ZDHHC18: variants seen among roughly 807,000 people sequenced by gnomAD.
ZDHHC18 encodes zDHHC palmitoyltransferase 18.
A neutral mutation model predicts 37.5 loss-of-function variants in ZDHHC18; 23 were observed. The observed-to-expected ratio is 0.61, with a 90% CI of 0.44 to 0.87. The LOEUF (loss-of-function observed/expected upper bound fraction) is 0.87, where lower values mean the gene tolerates loss of function less well. Among genes scored for constraint, ZDHHC18 ranks in the 40% least tolerant of loss-of-function variants. ZDHHC18 has a pLI of 0.00. For synonymous variants in ZDHHC18, 185 were observed against 218.7 expected, an observed-to-expected ratio of 0.85 and a Z score of 1.36; for missense variants, 406 against 525.6, an observed-to-expected ratio of 0.77 and a Z score of 2.22.
chr1:26,834,452 A>G (rs1350741607), intron 2 of ZDHHC18, among the ~76,000 whole-genome samples: 1 of 152,204 alleles, frequency 6.6e-6, no homozygotes, highest in Non-Finnish European at 1.5e-5. Context: ...CTGAGATGGC[A>G]GCAGGGACAC....
At chr1:26,830,535 C>G (rs529366110) in intron 1 of ZDHHC18, among the ~76,000 whole-genome samples, 2 of 151,648 alleles carry the variant, frequency 1.3e-5, no homozygotes, top group African/African-American at 4.9e-5. Flanking sequence ...ACTATCTGTA[C>G]ATAGCACAGT....
intron 1 of ZDHHC18, 53 bp downstream of exon 1, chr1:26,827,192 CT>C: frequency 7.8e-7 from 1 of 1,280,422 alleles, no homozygotes; most frequent in African/African-American, 1.5e-5. Context: ...CGCACCCCAC[CT>C]TCCCAATCCC....
chr1:26,853,001 G>T, intron 7 of ZDHHC18, 136 bp downstream of exon 7: 1 of 669,102 alleles, frequency 1.5e-6, no homozygotes, highest in Middle Eastern at 3.5e-4. Context: ...CATTTGTCAT[G>T]TGACGGAATT....
At position 26,850,758 on chromosome 1, in the gene ZDHHC18, G is replaced by A; in HGVS notation, c.833+152G>A. On this transcript the variant is annotated intron_variant, in intron 5 of 7. Coordinates refer to ENST00000374142, the MANE Select transcript of ZDHHC18 (RefSeq NM_032283.3). The surrounding 1 kb of genome is among the most constrained non-coding windows in gnomAD (Gnocchi z 6.1). ...ATGCCAGCTCTTCTGTTCACACCCA[G>A]GCAAGAGCTGATCCTAAATGGGGCA... 1.0e-6 allele frequency: 1 copy of A among 959,138 alleles called. No individual in the cohort carries two copies. Among genetic ancestry groups the A allele is most frequent in the Non-Finnish European group, 1.6e-6 (1 of 641,834 alleles). 59.4% of individuals were successfully genotyped at this position (959,138 alleles called of 1,614,324 possible).
chr1:26,826,878 C>G lies in ZDHHC18; in HGVS notation c.74C>G (p.Pro25Arg). The G allele has an allele frequency of 3.1e-6, 3 of 980,224 alleles. No homozygotes were observed. Among genetic ancestry groups the G allele is most frequent in the Non-Finnish European group, 3.6e-6 (3 of 827,936 alleles). 60.7% of individuals were successfully genotyped at this position (980,224 alleles called of 1,614,324 possible). A position where few individuals can be genotyped will look rare whatever the true frequency, so the allele number is the denominator to read the frequency against. Residue 25 changes from proline to arginine, a missense_variant, in exon 1 of 8, where the codon CCC (proline) becomes CGC (arginine). Transcript: ENST00000374142. This position sits in a 1 kb window ranked among gnomAD's most constrained non-coding sequence, Gnocchi z 5.2. ...CCCGCCTCCCCGGGGGCGCGCCGTC[C>G]CGGCCCCGCCGCGTCCCCGACTCCG... ...PLPASPGARR[P>R]GPAASPTPGP...
intron 1 of ZDHHC18, among the ~76,000 whole-genome samples, chr1:26,830,251 A>G (rs962259634): frequency 7.2e-5 from 11 of 152,136 alleles, no homozygotes; most frequent in African/African-American, 2.2e-4. Flanking sequence ...TACTCTGGCT[A>G]TGGGGTGATG....
intron 2 of ZDHHC18, among the ~76,000 whole-genome samples, chr1:26,841,827 C>G (rs1178759972): frequency 6.6e-6 from 1 of 152,044 alleles, no homozygotes; most frequent in Non-Finnish European, 1.5e-5. Context: ...TGACCCATCT[C>G]TATTTTACAG....
intron 2 of ZDHHC18, among the ~76,000 whole-genome samples, chr1:26,833,447 A>G (rs914330376): frequency 1.1e-4 from 16 of 152,082 alleles, no homozygotes; most frequent in African/African-American, 3.6e-4. Context: ...GGAGACCTCT[A>G]GGAGGAGGCG....
Position 26,827,086 on chromosome 1 carries a change from C to G in ZDHHC18, c.282C>G (p.Phe94Leu). Residue 94 changes from phenylalanine (F) to leucine (L), a missense_variant, in exon 1 of 8, where the codon TTC becomes TTG. Physicochemically the swap from Phe to Leu is conservative, Grantham distance 22. Transcript: ENST00000374142. ...RLMLAGHGGV[F>L]ALTLLLILTT... ...TGCTGGCCGGCCACGGCGGCGTCTT[C>G]GCGCTCACGCTGCTGCTCATCCTCA... is the stretch of plus-strand genomic sequence containing the variant. 7.2e-7 allele frequency: 1 copy of G among 1,395,126 alleles called. No individual in the cohort carries two copies. The highest frequency in any genetic ancestry group is 9.3e-7 in the Non-Finnish European group (1 of 1,076,116). 86.4% of individuals were successfully genotyped at this position (1,395,126 alleles called of 1,614,324 possible). A position where few individuals can be genotyped will look rare whatever the true frequency, so the allele number is the denominator to read the frequency against.
At chr1:26,827,864 G>A (rs1338797079) in intron 1 of ZDHHC18, among the ~76,000 whole-genome samples, 2 of 151,480 alleles carry the variant, frequency 1.3e-5, no homozygotes, top group Non-Finnish European at 1.5e-5. Flanking sequence ...GATCCCGCCC[G>A]CCTCCACCCA....
intron 2 of ZDHHC18, among the ~76,000 whole-genome samples, chr1:26,838,566 A>G (rs1410109824): frequency 6.6e-6 from 1 of 152,212 alleles, no homozygotes; most frequent in African/African-American, 2.4e-5. Context: ...AGATCTTGAT[A>G]TTATGTTATT....
chr1:26,827,943 C>A (rs1405860341), intron 1 of ZDHHC18, among the ~76,000 whole-genome samples: 1 of 152,132 alleles, frequency 6.6e-6, no homozygotes. Context: ...CATTCTGGAA[C>A]GTCCCTCTGG....
Position 26,856,149 on chromosome 1 carries a change from CAT to C in ZDHHC18, c.*2308_*2309del, listed in dbSNP as rs1180152424. 6.7e-6 allele frequency: 3 copies of C among 448,316 alleles called. No homozygotes were observed. The highest frequency in any genetic ancestry group is 1.4e-5 in the Non-Finnish European group (3 of 220,458). 27.8% of individuals were successfully genotyped at this position (448,316 alleles called of 1,614,324 possible). On this transcript the variant is annotated 3_prime_UTR_variant, in exon 8 of 8. Transcript: ENST00000374142. This position sits in a 1 kb window ranked among gnomAD's most constrained non-coding sequence, Gnocchi z 5.2. ...GGCACCAGGGCCCAGCCAGACAACT[CAT>C]AACACTGGCCCACCTCTCTGGTATC...
chr1:26,848,893 CA>C, intron 3 of ZDHHC18, 136 bp downstream of exon 3: 2 of 1,319,054 alleles, frequency 1.5e-6, no homozygotes, highest in Non-Finnish European at 2.1e-6. Context: ...CTGGTTCACC[CA>C]GATTTGCCCT....
At chr1:26,828,786 G>A (rs750455294) in intron 1 of ZDHHC18, among the ~76,000 whole-genome samples, 69 of 152,020 alleles carry the variant, frequency 4.5e-4, no homozygotes, top group Middle Eastern at 3.4e-3. Flanking sequence ...GCTCTGGGCT[G>A]AGTTTCAGAT....
Position 26,832,507 on chromosome 1 carries a change from C to A in ZDHHC18, c.396C>A (p.Phe132Leu). ...LAIPIIAAIL[F>L]FFVMSCLLQT... is the part of the protein sequence containing the mutation. ...TCCCCATCATCGCTGCCATCCTCTT[C>A]TTCTTCGTCATGAGCTGCCTGCTGC... The change falls in exon 2 of 8, where the codon TTC becomes TTA. Residue 132 changes from phenylalanine to leucine, a missense_variant. Physicochemically the swap from Phe to Leu is conservative, Grantham distance 22 (BLOSUM62 0). Coordinates refer to ENST00000374142, the MANE Select transcript of ZDHHC18 (RefSeq NM_032283.3). 6.2e-7 allele frequency: 1 copy of A among 1,614,220 alleles called. No individual in the cohort carries two copies. Among genetic ancestry groups the A allele is most frequent in the East Asian group, 2.2e-5 (1 of 44,876 alleles).
At chr1:26,842,905 G>A (rs1178700709) in intron 2 of ZDHHC18, among the ~76,000 whole-genome samples, 1 of 152,230 alleles carries the variant, frequency 6.6e-6, no homozygotes, top group Non-Finnish European at 1.5e-5. Context: ...TGCAATGGAA[G>A]CAATGGCAGG....
At position 26,836,804 on chromosome 1, in the gene ZDHHC18, G is replaced by A. The variant is rs191749709; in HGVS notation, c.496+4197G>A. Reference sequence around the variant, plus strand: ...AGGATGGTCTCGATCTCCTGACCTTGTGATCCGCCCGTCTCAGCCTCCCAA... The same window carrying A: ...AGGATGGTCTCGATCTCCTGACCTTATGATCCGCCCGTCTCAGCCTCCCAA... On this transcript the variant is annotated intron_variant, in intron 2 of 7. Coordinates refer to ENST00000374142, the MANE Select transcript of ZDHHC18 (RefSeq NM_032283.3). Among the ~76,000 whole-genome samples, 47 of 149,782 alleles carry A rather than the reference G, an allele frequency of 3.1e-4. No individual in the cohort carries two copies. The East Asian group carries it at 8.9e-3, about 28-fold the overall frequency.
chr1:26,827,033 A>T lies in ZDHHC18; in HGVS notation c.229A>T (p.Asn77Tyr). ...CAAGTGGGAGGTGTTCCCGGGTCGC[A>T]ATCGCTTCTACTGCGGCGGCCGCCT... ...RRKWEVFPGR[N>Y]RFYCGGRLML... The change falls in exon 1 of 8, where the codon AAT becomes TAT. Residue 77 changes from asparagine (N) to tyrosine (Y), a missense_variant. Transcript: ENST00000374142. 7.7e-7 allele frequency: 1 copy of T among 1,300,354 alleles called. No homozygotes were observed. 80.6% of individuals were successfully genotyped at this position (1,300,354 alleles called of 1,614,324 possible). A position where few individuals can be genotyped will look rare whatever the true frequency, so the allele number is the denominator to read the frequency against.
Sources: gnomAD v4.1 joint callset for allele counts (sites outside exome capture counted in the v4.1 genomes callset) on GRCh38, gnomAD v4.1.1 for gene constraint, Gnocchi (gnomAD v3.1) non-coding constraint, MANE v1.5 for transcripts, NCBI Gene and HGNC (gene_info 2026-07-23, HGNC 2026-07-21) for gene names.